Variants in FILIP1 observed in about 807,000 individuals in gnomAD.
FILIP1 encodes the protein filamin-A-interacting protein 1.
A neutral mutation model predicts 102.1 loss-of-function variants in FILIP1; 61 were observed. That is an observed-to-expected ratio of 0.60 (90% CI 0.49 to 0.74). The LOEUF (loss-of-function observed/expected upper bound fraction) is 0.74, where lower values mean the gene tolerates loss of function less well. Ranked by LOEUF, FILIP1 falls within the 30% of genes least tolerant of loss-of-function variation. FILIP1 has a pLI of 0.00. For synonymous variants in FILIP1, 491 were observed against 526.9 expected, an observed-to-expected ratio of 0.93 and a Z score of 0.93; for missense variants, 1,314 against 1,441.2, an observed-to-expected ratio of 0.91 and a Z score of 1.43.
chr6:75,354,706 C>G (rs1053727622), intron 3 of FILIP1, among the ~76,000 whole-genome samples: 1 of 151,938 alleles, frequency 6.6e-6, no homozygotes, highest in Non-Finnish European at 1.5e-5. Context: ...GGTTCCTAAA[C>G]TTTCAGGAAA....
chr6:75,322,361 T>C (rs995951457), intron 4 of FILIP1, among the ~76,000 whole-genome samples: 3 of 152,178 alleles, frequency 2.0e-5, no homozygotes, highest in African/African-American at 7.2e-5. Flanking sequence ...TGCCAACTAG[T>C]CTTACCACCT....
intron 1 of FILIP1, among the ~76,000 whole-genome samples, chr6:75,435,113 T>A (rs1408610701): frequency 1.3e-5 from 2 of 152,064 alleles, no homozygotes; most frequent in African/African-American, 4.8e-5. Flanking sequence ...GATTTTTGCA[T>A]CTCTGTTCAT....
At chr6:75,464,310 G>T (rs1189333976) in intron 1 of FILIP1, among the ~76,000 whole-genome samples, 1 of 152,080 alleles carries the variant, frequency 6.6e-6, no homozygotes, top group Admixed American at 6.6e-5. Flanking sequence ...CAGTGATTTG[G>T]GTTTAACTGC....
At chr6:75,483,423 A>G (rs1314729592) in intron 1 of FILIP1, among the ~76,000 whole-genome samples, 1 of 152,214 alleles carries the variant, frequency 6.6e-6, no homozygotes, top group Non-Finnish European at 1.5e-5. Context: ...TCACAAGACT[A>G]GGGGAAAGGT....
intron 1 of FILIP1, among the ~76,000 whole-genome samples, chr6:75,491,595 G>A (rs1344336897): frequency 6.6e-6 from 1 of 152,126 alleles, no homozygotes. Flanking sequence ...GGAAGACATG[G>A]CAATGGAATC....
At chr6:75,386,860 ATACTT>A (rs1472342475) in intron 2 of FILIP1, among the ~76,000 whole-genome samples, 2 of 152,114 alleles carry the variant, frequency 1.3e-5, no homozygotes, top group Non-Finnish European at 2.9e-5. Context: ...CTTTTTTATT[ATACTT>A]TAAGTTCTGA....
At chr6:75,318,059 C>T in intron 4 of FILIP1, among the ~76,000 whole-genome samples, 1 of 152,074 alleles carries the variant, frequency 6.6e-6, no homozygotes, top group East Asian at 1.9e-4. Flanking sequence ...GTGTCCTCTG[C>T]TTAGTATTTC....
chr6:75,342,415 T>G (rs1774444251), intron 4 of FILIP1, among the ~76,000 whole-genome samples: 1 of 152,262 alleles, frequency 6.6e-6, no homozygotes, highest in South Asian at 2.1e-4. Context: ...CACTCACGTG[T>G]GCAAGAAATA....
intron 1 of FILIP1, among the ~76,000 whole-genome samples, chr6:75,472,206 T>C (rs1454604125): frequency 6.6e-6 from 1 of 152,112 alleles, no homozygotes; most frequent in Non-Finnish European, 1.5e-5. Context: ...CTTTACTCTC[T>C]GGTCTTAAAA....
downstream of FILIP1, among the ~76,000 whole-genome samples, chr6:75,305,764 T>C (rs769743744): frequency 7.0e-5 from 8 of 114,014 alleles, no homozygotes; most frequent in Non-Finnish European, 1.4e-4. Flanking sequence ...GTGTAGATCG[T>C]GTCCTGCACA....
chr6:75,441,478 T>G (rs1778224357), intron 1 of FILIP1, among the ~76,000 whole-genome samples: 1 of 152,032 alleles, frequency 6.6e-6, no homozygotes, highest in Admixed American at 6.5e-5. Context: ...CATGGCCCGT[T>G]CTCAATGAGC....
chr6:75,305,418 A>G (rs1011221669), downstream of FILIP1, among the ~76,000 whole-genome samples: 9 of 152,164 alleles, frequency 5.9e-5, no homozygotes, highest in African/African-American at 2.2e-4. Context: ...CATGAAAGCT[A>G]TTTTTCACTT....
chr6:75,319,397 G>A (rs1773562426), intron 4 of FILIP1: 2 of 626,624 alleles, frequency 3.2e-6, no homozygotes, highest in Non-Finnish European at 6.2e-6. Flanking sequence ...TGGAGTCCTT[G>A]AACTTCTTTT....
rs374887916 is a variant in FILIP1 at position 75,312,516 on chromosome 6, C to G, written c.3316G>C (p.Gly1106Arg). The part of the protein sequence containing the change: ...NVTAEKEVST[G>R]TVLRSPRNHL... ...TTCCTGGGAGAGCGAAGGACAGTGC[C>G]GGTGGAAACCTCCTTTTCGGCTGTC... Residue 1106 changes from glycine to arginine, a missense_variant, in exon 5 of 6, where the codon GGC becomes CGC. Gly to Arg is a moderately radical substitution (Grantham distance 125, BLOSUM62 -2). Coordinates refer to ENST00000237172, the MANE Select transcript of FILIP1 (RefSeq NM_015687.5). 77 of 1,614,116 alleles carry G rather than the reference C, an allele frequency of 4.8e-5. No homozygotes were observed. The Middle Eastern group carries it at 6.6e-4, about 14-fold the overall frequency.
At chr6:75,465,564 C>T (rs538025575) in intron 1 of FILIP1, 8 of 496,294 alleles carry the variant, frequency 1.6e-5, no homozygotes, top group African/African-American at 1.6e-4. Flanking sequence ...GACAGTTTCA[C>T]AGCAATTAAA....
intron 1 of FILIP1, among the ~76,000 whole-genome samples, chr6:75,459,210 T>G (rs1778940008): frequency 6.6e-6 from 1 of 152,224 alleles, no homozygotes; most frequent in African/African-American, 2.4e-5. Flanking sequence ...TTTTTATTGC[T>G]TCTTTTCTGT....
chr6:75,407,475 C>T (rs1776907993), intron 2 of FILIP1, among the ~76,000 whole-genome samples: 1 of 152,184 alleles, frequency 6.6e-6, no homozygotes, highest in African/African-American at 2.4e-5. Flanking sequence ...ATCCGCCCAC[C>T]TCGGCCTCCC....
intron 2 of FILIP1, among the ~76,000 whole-genome samples, chr6:75,370,211 T>G (rs952665901): frequency 1.3e-5 from 2 of 152,210 alleles, no homozygotes; most frequent in Non-Finnish European, 2.9e-5. Context: ...GTGATTGCTT[T>G]CCCATTCTGC....
At chr6:75,293,931 A>G (rs942760606) in exon 7 of FILIP1, 1 of 152,222 alleles carries the variant, frequency 6.6e-6, no homozygotes, top group Non-Finnish European at 1.5e-5. Context: ...CCCAGTAACA[A>G]TTCTAAAAAA....
Sources: gnomAD v4.1 joint callset for allele counts (sites outside exome capture counted in the v4.1 genomes callset) on GRCh38, gnomAD v4.1.1 for gene constraint, MANE v1.5 for transcripts, NCBI Gene and HGNC (gene_info 2026-07-23, HGNC 2026-07-21) for gene names.